The following PCDHAC2 variants were observed in gnomAD, a reference collection of about 807,000 sequenced individuals.
The protein encoded by PCDHAC2 is protocadherin alpha-C2.
Under a neutral mutation model 63.3 loss-of-function variants are expected in PCDHAC2, and 24 were observed. The observed-to-expected ratio is 0.38, with a 90% CI of 0.27 to 0.53. PCDHAC2 has a LOEUF of 0.53. Among genes scored for constraint, PCDHAC2 ranks in the 20% least tolerant of loss-of-function variants. The pLI is 0.81. For synonymous variants in PCDHAC2, 569 were observed against 529.4 expected (o/e 1.07, Z -1.03); for missense variants, 1,181 against 1,275.2 (o/e 0.93, Z 1.12).
chr5:141,000,389 CTCTCTCTATATATA>C (rs1429861640), intron 3 of PCDHAC2, among the ~76,000 whole-genome samples: 15 of 62,586 alleles, frequency 2.4e-4, no homozygotes, highest in African/African-American at 9.8e-4. Flanking sequence ...CTCTCTCTCT[CTCTCTCTATATATA>C]TATATATATA....
chr5:140,981,626 T>A (rs1199717691), intron 2 of PCDHAC2, among the ~76,000 whole-genome samples: 1 of 152,176 alleles, frequency 6.6e-6, no homozygotes, highest in Middle Eastern at 3.2e-3. Flanking sequence ...GAGGGTTTTC[T>A]TGGACATTTT....
At position 140,982,581 on chromosome 5, in the gene PCDHAC2, C is replaced by CT. The variant is rs782248594; in HGVS notation, c.2713+19dup. 2.4e-5 allele frequency: 38 copies of CT among 1,612,216 alleles called. No homozygotes were observed. The Middle Eastern group carries it at 5.0e-4, about 21-fold the overall frequency. ...AACACCAGGTAAAGAGCTGGGGTCT[C>CT]TCCATTCTTTCTTGGTTTCTGGAAA... On this transcript the variant is annotated intron_variant, in intron 3 of 3. Transcript: ENST00000289269.
chr5:141,006,379 G>GT (rs2098271047), intron 3 of PCDHAC2, among the ~76,000 whole-genome samples: 1 of 151,748 alleles, frequency 6.6e-6, no homozygotes, highest in South Asian at 2.1e-4. Flanking sequence ...GCCCGGCTAA[G>GT]TTTTTTCTAT....
chr5:140,979,002 G>A lies in PCDHAC2; in HGVS notation c.2619G>A (p.Met873Ile). 6.2e-7 allele frequency: 1 copy of A among 1,614,130 alleles called. No homozygotes were observed. The highest frequency in any genetic ancestry group is 8.5e-7 in the Non-Finnish European group (1 of 1,180,014). ...WRYSASLRAG[M>I]HSSVHLEEAG... ...ACTCTGCCTCCCTGAGAGCAGGCAT[G>A]CACAGGTATGTATTTCCCTCCTCAT... The change falls in exon 2 of 4, where the codon ATG becomes ATA. Residue 873 changes from methionine (M) to isoleucine (I), a missense_variant. Around this residue, in one of 3 missense-constraint regions of PCDHAC2, gnomAD observed 968 missense variants for 1,073.5 expected, o/e 0.90. Transcript: ENST00000289269.
At chr5:140,971,715 T>C (rs2096493906) in intron 1 of PCDHAC2, among the ~76,000 whole-genome samples, 1 of 152,048 alleles carries the variant, frequency 6.6e-6, no homozygotes. Context: ...TATATAGATA[T>C]ATGTATATCA....
intron 2 of PCDHAC2, among the ~76,000 whole-genome samples, chr5:140,979,550 T>C (rs1201791524): frequency 5.3e-5 from 8 of 152,238 alleles, no homozygotes; most frequent in Non-Finnish European, 7.3e-5. Flanking sequence ...ACATGGTTCT[T>C]CAGAAGATGA....
At chr5:140,976,742 AC>A (rs1170747899) in intron 1 of PCDHAC2, among the ~76,000 whole-genome samples, 1 of 151,778 alleles carries the variant, frequency 6.6e-6, no homozygotes, top group Admixed American at 6.6e-5. Context: ...CATTTTAAAA[AC>A]CTCCCAGATG....
Position 141,010,424 on chromosome 5 carries a change from C to A in PCDHAC2, c.*487C>A. ...CTTAGACTAATTGGTACAAGGAAGGCAAGAAAACAAAGACAAATAAACAGC... is the reference window on the plus strand; with the variant it reads ...CTTAGACTAATTGGTACAAGGAAGGAAAGAAAACAAAGACAAATAAACAGC... On this transcript the variant is annotated 3_prime_UTR_variant, in exon 4 of 4. Transcript: ENST00000289269. The A allele has an allele frequency of 9.0e-7, 1 of 1,113,698 alleles. No homozygotes were observed. The highest frequency in any genetic ancestry group is 1.2e-6 in the Non-Finnish European group (1 of 808,116). 69.0% of individuals were successfully genotyped at this position (1,113,698 alleles called of 1,614,324 possible). A position where few individuals can be genotyped will look rare whatever the true frequency, so the allele number is the denominator to read the frequency against.
chr5:140,971,414 AT>A (rs2096477673), intron 1 of PCDHAC2, among the ~76,000 whole-genome samples: 1 of 152,166 alleles, frequency 6.6e-6, no homozygotes, highest in African/African-American at 2.4e-5. Flanking sequence ...ACTTTTGGAA[AT>A]CCAGTGAAGA....
chr5:141,005,701 CAAAAAAAAAAAA>C (rs59860837), intron 3 of PCDHAC2, among the ~76,000 whole-genome samples: 139 of 7,794 alleles, frequency 0.018, no homozygotes, highest in African/African-American at 0.055. Context: ...AACTCCGTCT[CAAAAAAAAAAAA>C]AAAAAAAAAA....
rs1374109552 is a variant in PCDHAC2 at position 141,010,068 on chromosome 5, T to C, written c.*131T>C. On this transcript the variant is annotated 3_prime_UTR_variant, in exon 4 of 4. Transcript: ENST00000289269. ...AGAGACCTCAGAAATCTGCAGAAAGTTCCCTGTGTCTGTCTAGAACGCATT... is the reference window on the plus strand; with the variant it reads ...AGAGACCTCAGAAATCTGCAGAAAGCTCCCTGTGTCTGTCTAGAACGCATT... 4 of 1,604,732 alleles carry C rather than the reference T, an allele frequency of 2.5e-6. No homozygotes were observed. Among genetic ancestry groups the C allele is most frequent in the Non-Finnish European group, 3.4e-6 (4 of 1,175,400 alleles).
intron 3 of PCDHAC2, chr5:140,988,853 A>G (rs1216953693): frequency 1.3e-5 from 2 of 152,208 alleles, no homozygotes; most frequent in Non-Finnish European, 2.9e-5. Flanking sequence ...AAACCTATCC[A>G]GTCTCATGTG....
chr5:140,999,550 G>A (rs1250301883), intron 3 of PCDHAC2, among the ~76,000 whole-genome samples: 2 of 152,120 alleles, frequency 1.3e-5, no homozygotes, highest in African/African-American at 4.8e-5. Context: ...CCAATGAAGA[G>A]GGGGTATTTT....
chr5:141,006,765 G>T (rs1299930915), intron 3 of PCDHAC2, among the ~76,000 whole-genome samples: 3 of 152,174 alleles, frequency 2.0e-5, no homozygotes, highest in Non-Finnish European at 4.4e-5. Context: ...ATGAAGAATA[G>T]AATAGAGAAA....
intron 1 of PCDHAC2, among the ~76,000 whole-genome samples, chr5:140,975,647 T>G (rs1563441442): frequency 6.6e-6 from 1 of 152,254 alleles, no homozygotes; most frequent in Non-Finnish European, 1.5e-5. Flanking sequence ...GCATATTATT[T>G]CATTGAGTAG....
intron 3 of PCDHAC2, among the ~76,000 whole-genome samples, chr5:141,008,970 G>A (rs147776833): frequency 6.6e-6 from 1 of 152,236 alleles, no homozygotes; most frequent in East Asian, 1.9e-4. Flanking sequence ...TACATTTATA[G>A]CCAAAGTTTA....
intron 3 of PCDHAC2, among the ~76,000 whole-genome samples, chr5:140,997,115 C>A (rs537421169): frequency 9.2e-5 from 14 of 152,116 alleles, no homozygotes; most frequent in Non-Finnish European, 1.6e-4. Flanking sequence ...TCCTGCTCTC[C>A]CACATACACA....
intron 1 of PCDHAC2, among the ~76,000 whole-genome samples, chr5:140,978,203 C>T (rs1231262283): frequency 6.6e-6 from 1 of 152,178 alleles, no homozygotes; most frequent in East Asian, 1.9e-4. Context: ...CAATACACAA[C>T]TAATGCAAAA....
At chr5:141,003,936 C>T (rs934368361) in intron 3 of PCDHAC2, among the ~76,000 whole-genome samples, 41 of 152,122 alleles carry the variant, frequency 2.7e-4, no homozygotes, top group African/African-American at 9.9e-4. Context: ...TTGTCTTTGC[C>T]TGAGGGTGAG....
Sources: gnomAD v4.1 joint callset for allele counts (sites outside exome capture counted in the v4.1 genomes callset) on GRCh38, gnomAD v4.1.1 for gene constraint, gnomAD v4.1.1 regional missense constraint, MANE v1.5 for transcripts, NCBI Gene and HGNC (gene_info 2026-07-23, HGNC 2026-07-21) for gene names.